The following RANBP17 variants were observed in gnomAD, a reference collection of about 807,000 sequenced individuals.
RANBP17 encodes the protein ran-binding protein 17.
In RANBP17, 158 loss-of-function variants were observed where a neutral mutation model predicts 141.2. The observed-to-expected ratio is 1.12, with a 90% CI of 0.98 to 1.28. RANBP17 has a LOEUF of 1.28. RANBP17 is among the 50% of genes most tolerant of loss of function. The pLI is 0.00. For synonymous variants in RANBP17, 430 were observed against 450.0 expected (o/e 0.96, Z 0.56); for missense variants, 1,438 against 1,290.7 (o/e 1.11, Z -1.75).
At chr5:171,186,692 A>G (rs567590604) in intron 18 of RANBP17, among the ~76,000 whole-genome samples, 314 of 147,392 alleles carry the variant, frequency 2.1e-3, no homozygotes, top group African/African-American at 7.6e-3. Context: ...GCCCGCCACT[A>G]CGCCCGGCTA....
intron 14 of RANBP17, among the ~76,000 whole-genome samples, chr5:171,021,629 A>G (rs1262497791): frequency 6.6e-6 from 1 of 152,092 alleles, no homozygotes; most frequent in African/African-American, 2.4e-5. Context: ...CAGGTCATTT[A>G]TGTTCCTGTC....
At chr5:170,949,563 AAG>A (rs1041799899) in intron 12 of RANBP17, among the ~76,000 whole-genome samples, 2 of 152,192 alleles carry the variant, frequency 1.3e-5, no homozygotes, top group African/African-American at 4.8e-5. Context: ...TATAATAAAA[AAG>A]AAAACTACAA....
chr5:171,071,137 T>C (rs1784611312), intron 14 of RANBP17, among the ~76,000 whole-genome samples: 1 of 152,144 alleles, frequency 6.6e-6, no homozygotes, highest in African/African-American at 2.4e-5. Context: ...ATACAGTTCA[T>C]GTTTCTGTGT....
chr5:170,867,643 G>T (rs183250830), intron 1 of RANBP17, among the ~76,000 whole-genome samples: 1 of 152,300 alleles, frequency 6.6e-6, no homozygotes, highest in East Asian at 1.9e-4. Context: ...TAATTGAAAA[G>T]ATCTTTAAAT....
rs564642811 is a variant in RANBP17 at position 170,932,577 on chromosome 5, T to C, written c.1468+8027T>C. 1.0e-3 allele frequency among the ~76,000 whole-genome samples: 156 copies of C among 152,200 alleles called. 1 individual carries two copies. Among genetic ancestry groups the C allele is most frequent in the African/African-American group, 3.6e-3 (148 of 41,546 alleles). On this transcript the variant is annotated intron_variant, in intron 12 of 27. Coordinates refer to ENST00000523189, the MANE Select transcript of RANBP17 (RefSeq NM_022897.5). ...AATAGCTCTTATTTTTTTTGAGATATGTCCCATCAATACCTAGTTTATTGA... is the reference window on the plus strand; with the variant it reads ...AATAGCTCTTATTTTTTTTGAGATACGTCCCATCAATACCTAGTTTATTGA...
chr5:171,101,816 T>A (rs1240692478), intron 14 of RANBP17, among the ~76,000 whole-genome samples: 3 of 152,220 alleles, frequency 2.0e-5, no homozygotes, highest in African/African-American at 7.2e-5. Context: ...CAATATTTGC[T>A]TGTCTGTAAA....
intron 12 of RANBP17, among the ~76,000 whole-genome samples, chr5:170,949,904 C>G (rs1775069535): frequency 6.6e-6 from 1 of 152,082 alleles, no homozygotes; most frequent in Non-Finnish European, 1.5e-5. Context: ...AAAACAGACA[C>G]ATAGACCAAT....
rs1163929995 is a variant in RANBP17, at chr5:171,077,072, A to T, written c.1711-93058A>T. Among the ~76,000 whole-genome samples the T allele has an allele frequency of 3.3e-5, 5 of 152,044 alleles. No homozygotes were observed. The East Asian group carries it at 9.7e-4, about 29-fold the overall frequency. On this transcript the variant is annotated intron_variant, in intron 14 of 27. Transcript: ENST00000523189. ...GGTGTACAACATGCCGGGCGCATTG[A>T]CTCACCCCTGTAATCCCAGCACTTT...
chr5:171,091,997 T>C (rs1437518976), intron 14 of RANBP17, among the ~76,000 whole-genome samples: 3 of 152,190 alleles, frequency 2.0e-5, no homozygotes, highest in Non-Finnish European at 4.4e-5. Context: ...TTTTGGTATA[T>C]GTGAGGGATC....
At chr5:171,117,579 C>T (rs766927108) in intron 14 of RANBP17, among the ~76,000 whole-genome samples, 15 of 151,980 alleles carry the variant, frequency 9.9e-5, no homozygotes, top group Non-Finnish European at 1.8e-4. Flanking sequence ...CTGCAGCCTC[C>T]GCCTCCCAGG....
intron 14 of RANBP17, among the ~76,000 whole-genome samples, chr5:170,999,369 G>A (rs1374804511): frequency 6.6e-6 from 1 of 151,906 alleles, no homozygotes; most frequent in African/African-American, 2.4e-5. Flanking sequence ...TGCTAATAAA[G>A]GCACATTATG....
chr5:170,884,823 A>AT (rs928841445), intron 3 of RANBP17, among the ~76,000 whole-genome samples: 51 of 148,508 alleles, frequency 3.4e-4, no homozygotes, highest in East Asian at 3.9e-4. Context: ...TCCAATGTTA[A>AT]TTTTTTTTTT....
At chr5:171,107,449 G>T (rs989130837) in intron 14 of RANBP17, among the ~76,000 whole-genome samples, 3 of 152,162 alleles carry the variant, frequency 2.0e-5, no homozygotes, top group Non-Finnish European at 4.4e-5. Flanking sequence ...TCTTATTTGT[G>T]AGTGGATGCT....
intron 19 of RANBP17, among the ~76,000 whole-genome samples, chr5:171,204,941 G>C (rs1204972346): frequency 6.6e-6 from 1 of 152,090 alleles, no homozygotes; most frequent in Non-Finnish European, 1.5e-5. Flanking sequence ...ATTCAAATTC[G>C]AGTCTTATGA....
chr5:171,126,921 A>G lies in RANBP17; in HGVS notation c.1711-43209A>G, dbSNP rs184796723. ...AAAGATGATCTAATATCTCACACCA[A>G]TGCTTTTCAGACTATTTCAGAAAAT... On this transcript the variant is annotated intron_variant, in intron 14 of 27. Transcript: ENST00000523189. 1.2e-4 allele frequency among the ~76,000 whole-genome samples: 18 copies of G among 152,304 alleles called. No individual in the cohort carries two copies. In the South Asian group the frequency reaches 2.1e-3, roughly 18 times the overall value.
intron 25 of RANBP17, chr5:171,271,075 C>CCTT (rs1767076411): frequency 5.2e-3 from 144 of 27,568 alleles, no homozygotes; most frequent in Admixed American, 8.6e-3. Flanking sequence ...TATGTTATTT[C>CCTT]TTTTTTTTTT....
intron 11 of RANBP17, among the ~76,000 whole-genome samples, chr5:170,922,756 C>T (rs551995286): frequency 4.1e-4 from 63 of 152,240 alleles, no homozygotes; most frequent in African/African-American, 1.4e-3. Context: ...AGGGAAATCC[C>T]CTGACCCCTT....
At chr5:170,864,857 A>G (rs10061305) in intron 1 of RANBP17, among the ~76,000 whole-genome samples, 91,312 of 152,054 alleles carry the variant, frequency 0.6, 29,161 homozygotes, top group South Asian at 0.89. Context: ...TGTGGGAATG[A>G]CCATTCTGGC....
rs1207185799 is a variant in RANBP17 at position 171,299,850 on chromosome 5, G to A, written c.*992G>A. On this transcript the variant is annotated 3_prime_UTR_variant, in exon 28 of 28. Transcript: ENST00000523189. ...TACAGTTTGTGCTCTACTGTTACTA[G>A]GCTATTAATTTGAGATCGTCCACTG... 4.6e-6 allele frequency: 1 copy of A among 218,948 alleles called. No homozygotes were observed. The highest frequency in any genetic ancestry group is 2.2e-5 in the African/African-American group (1 of 44,574). The allele number at this position is 218,948 out of a possible 1,614,324, so 13.6% of individuals were successfully genotyped here.
Sources: gnomAD v4.1 joint callset for allele counts (sites outside exome capture counted in the v4.1 genomes callset) on GRCh38, gnomAD v4.1.1 for gene constraint, MANE v1.5 for transcripts, NCBI Gene and HGNC (gene_info 2026-07-23, HGNC 2026-07-21) for gene names.